The following SIPA1L1 variants were observed in gnomAD, a reference collection of about 807,000 sequenced individuals.
SIPA1L1 encodes the protein signal induced proliferation associated 1 like 1.
A neutral mutation model predicts 162.7 loss-of-function variants in SIPA1L1; 26 were observed. The observed-to-expected ratio is 0.16, with a 90% confidence interval of 0.12 to 0.22. The LOEUF (loss-of-function observed/expected upper bound fraction) is 0.22, where lower values mean the gene tolerates loss of function less well. Ranked by LOEUF, SIPA1L1 falls within the 10% of genes least tolerant of loss-of-function variation. The probability of loss-of-function intolerance (pLI) is 1.00; values close to 1 mark genes in which losing one functional copy is unlikely to be tolerated. For missense variants in SIPA1L1, 1,874 were observed against 2,241.0 expected (o/e 0.84, Z 3.31); for synonymous variants, 829 against 837.4 (o/e 0.99, Z 0.17).
At chr14:71,644,705 C>T (rs1442136725) in intron 7 of SIPA1L1, among the ~76,000 whole-genome samples, 4 of 152,170 alleles carry the variant, frequency 2.6e-5, no homozygotes, top group African/African-American at 7.2e-5. Context: ...CCCTTAGGCT[C>T]ATGGTGATAG....
intron 2 of SIPA1L1, among the ~76,000 whole-genome samples, chr14:71,337,043 T>C (rs940155333): frequency 3.0e-4 from 46 of 152,324 alleles, no homozygotes; most frequent in Non-Finnish European, 4.7e-4. Flanking sequence ...GTCTGATCAT[T>C]CTTTCTAAGG....
At chr14:71,422,128 A>G (rs2043230370) in intron 2 of SIPA1L1, among the ~76,000 whole-genome samples, 1 of 152,188 alleles carries the variant, frequency 6.6e-6, no homozygotes, top group East Asian at 1.9e-4. Flanking sequence ...CCTGGGAAAG[A>G]GATATGTGTG....
At chr14:71,619,697 C>T (rs776923392) in intron 6 of SIPA1L1, among the ~76,000 whole-genome samples, 10 of 152,018 alleles carry the variant, frequency 6.6e-5, no homozygotes, top group Non-Finnish European at 1.2e-4. Context: ...ACTTAATACC[C>T]TTGAGTCATC....
chr14:71,420,465 A>C (rs1211836535), intron 2 of SIPA1L1, among the ~76,000 whole-genome samples: 1 of 152,236 alleles, frequency 6.6e-6, no homozygotes. Context: ...AACCAAAGCA[A>C]CTCATCTTTG....
At chr14:71,348,748 T>C (rs1018675107) in intron 2 of SIPA1L1, among the ~76,000 whole-genome samples, 1 of 152,212 alleles carries the variant, frequency 6.6e-6, no homozygotes, top group Non-Finnish European at 1.5e-5. Flanking sequence ...TCAGAGTAAT[T>C]CACTCCTTTT....
chr14:71,599,296 A>G (rs1237776929), intron 5 of SIPA1L1, among the ~76,000 whole-genome samples: 1 of 151,400 alleles, frequency 6.6e-6, no homozygotes, highest in African/African-American at 2.4e-5. Context: ...GATTACAGGC[A>G]TGCGCCACCA....
intron 8 of SIPA1L1, among the ~76,000 whole-genome samples, chr14:71,657,979 C>T (rs1348258940): frequency 6.6e-6 from 1 of 152,130 alleles, no homozygotes; most frequent in East Asian, 1.9e-4. Flanking sequence ...ATCATGTCTT[C>T]AGCATTACAG....
intron 4 of SIPA1L1, among the ~76,000 whole-genome samples, chr14:71,556,077 A>G (rs1229596323): frequency 6.6e-6 from 1 of 152,250 alleles, no homozygotes; most frequent in Non-Finnish European, 1.5e-5. Flanking sequence ...GACTTGCTCA[A>G]TGCAGGGTTG....
chr14:71,325,085 G>T (rs1594812608), intron 2 of SIPA1L1, among the ~76,000 whole-genome samples: 1 of 152,112 alleles, frequency 6.6e-6, no homozygotes, highest in Admixed American at 6.6e-5. Context: ...TTCTGCCATT[G>T]CTCACACAGA....
intron 2 of SIPA1L1, among the ~76,000 whole-genome samples, chr14:71,401,651 A>AT (rs1486608006): frequency 6.6e-6 from 1 of 152,054 alleles, no homozygotes; most frequent in African/African-American, 2.4e-5. Flanking sequence ...TTAACCCAAT[A>AT]TTTTTTAGCA....
intron 2 of SIPA1L1, among the ~76,000 whole-genome samples, chr14:71,473,584 A>G (rs2047631154): frequency 6.6e-6 from 1 of 152,148 alleles, no homozygotes. Flanking sequence ...AGTAGTGGGG[A>G]TCTGCCTTAA....
chr14:71,466,854 G>C (rs1339529249), intron 2 of SIPA1L1, among the ~76,000 whole-genome samples: 1 of 151,996 alleles, frequency 6.6e-6, no homozygotes, highest in African/African-American at 2.4e-5. Context: ...TTAGTTACTT[G>C]TTCTTTCAGT....
chr14:71,706,844 G>T (rs969321438), intron 16 of SIPA1L1, among the ~76,000 whole-genome samples: 1 of 151,974 alleles, frequency 6.6e-6, no homozygotes, highest in Non-Finnish European at 1.5e-5. Flanking sequence ...GACCAGCCTA[G>T]CCAATATGAT....
intron 20 of SIPA1L1, 105 bp from the exon 21 acceptor site, chr14:71,733,561 A>C: frequency 6.1e-6 from 7 of 1,154,164 alleles, no homozygotes; most frequent in Non-Finnish European, 8.7e-6. Flanking sequence ...CATTGATAAC[A>C]GTCACAAATG....
At chr14:71,661,651 C>G (rs2043526173) in intron 10 of SIPA1L1, among the ~76,000 whole-genome samples, 184 bp downstream of exon 10, 1 of 152,176 alleles carries the variant, frequency 6.6e-6, no homozygotes, top group Non-Finnish European at 1.5e-5. Context: ...TGACATTACC[C>G]AAGCATGTTG....
At chr14:71,706,155 A>C (rs953486097) in intron 16 of SIPA1L1, among the ~76,000 whole-genome samples, 1 of 152,220 alleles carries the variant, frequency 6.6e-6, no homozygotes, top group African/African-American at 2.4e-5. Flanking sequence ...GCTAAAAAAA[A>C]CAAGCAAGAG....
At chr14:71,683,434 TC>T (rs1270171448) in intron 12 of SIPA1L1, among the ~76,000 whole-genome samples, 1 of 152,228 alleles carries the variant, frequency 6.6e-6, no homozygotes, top group Non-Finnish European at 1.5e-5. Context: ...GTGAAATTTT[TC>T]CATGCATTAT....
chr14:71,642,447 T>C (rs2041810320), intron 7 of SIPA1L1, among the ~76,000 whole-genome samples: 1 of 152,196 alleles, frequency 6.6e-6, no homozygotes, highest in Non-Finnish European at 1.5e-5. Context: ...ATAATTGACA[T>C]GGCATTGAGT....
At chr14:71,729,385 T>G (rs1219342143) in intron 19 of SIPA1L1, among the ~76,000 whole-genome samples, 1 of 152,214 alleles carries the variant, frequency 6.6e-6, no homozygotes, top group Non-Finnish European at 1.5e-5. Context: ...AAAATGAATT[T>G]TCTCCAAAAC....
Sources: allele counts gnomAD v4.1 joint callset (sites outside exome capture counted in the v4.1 genomes callset), GRCh38; gene constraint gnomAD v4.1.1; transcripts MANE v1.5; gene names NCBI Gene and HGNC (gene_info 2026-07-23, HGNC 2026-07-21).